The following TEAD4 variants were observed in gnomAD, a reference collection of about 807,000 sequenced individuals.
TEAD4 encodes the protein TEA domain transcription factor 4.
A neutral mutation model predicts 52.4 loss-of-function variants in TEAD4; 36 were observed. The ratio of observed to expected loss-of-function variants is 0.69; its 90% CI spans 0.53 to 0.91. TEAD4 has a LOEUF of 0.91. Among genes scored for constraint, TEAD4 ranks in the 40% least tolerant of loss-of-function variants. The pLI is 0.00. For synonymous variants in TEAD4, 220 were observed against 231.0 expected (o/e 0.95, Z 0.43); for missense variants, 508 against 583.9 (o/e 0.87, Z 1.34).
intron 10 of TEAD4, among the ~76,000 whole-genome samples, chr12:3,036,220 T>TC (rs1457806663): frequency 3.3e-5 from 5 of 152,274 alleles, no homozygotes; most frequent in Admixed American, 3.3e-4. Flanking sequence ...AGCCTTTTTT[T>TC]CCTCATCATA....
intron 3 of TEAD4, among the ~76,000 whole-genome samples, chr12:2,998,481 C>T (rs1490489291): frequency 1.3e-5 from 2 of 150,800 alleles, no homozygotes; most frequent in African/African-American, 2.4e-5. Context: ...GTTGGCATCT[C>T]GGATGCTGCT....
intron 2 of TEAD4, among the ~76,000 whole-genome samples, chr12:2,968,646 T>G (rs1356428799): frequency 6.6e-6 from 1 of 151,660 alleles, no homozygotes; most frequent in Non-Finnish European, 1.5e-5. Context: ...CTGGTGTTTT[T>G]TTTGTTTTGT....
intron 5 of TEAD4, among the ~76,000 whole-genome samples, chr12:3,013,903 A>G (rs1398676855): frequency 6.6e-6 from 1 of 152,230 alleles, no homozygotes; most frequent in Non-Finnish European, 1.5e-5. Context: ...TATATTAAAG[A>G]AAAGCCACTG....
intron 3 of TEAD4, among the ~76,000 whole-genome samples, chr12:3,007,987 C>T (rs1225086147): frequency 6.6e-6 from 1 of 152,120 alleles, no homozygotes; most frequent in Non-Finnish European, 1.5e-5. Context: ...ATCATTCAGG[C>T]AGCAAGTATT....
At chr12:3,017,244 A>C in intron 5 of TEAD4, 154 bp from the exon 6 acceptor site, 1 of 1,007,124 alleles carries the variant, frequency 9.9e-7, no homozygotes, top group Non-Finnish European at 1.5e-6. Flanking sequence ...CTCAGTTGCA[A>C]AACAAGTTAA....
At chr12:3,018,615 C>A in intron 7 of TEAD4, 27 bp downstream of exon 7, 1 of 1,612,850 alleles carries the variant, frequency 6.2e-7, no homozygotes, top group Non-Finnish European at 8.5e-7. Context: ...GTTTCTCTTG[C>A]CAGTTGCTCC....
At chr12:2,998,907 GC>G (rs1565536126) in intron 3 of TEAD4, among the ~76,000 whole-genome samples, 2 of 152,140 alleles carry the variant, frequency 1.3e-5, no homozygotes, top group South Asian at 2.1e-4. Context: ...CAACCGCCCA[GC>G]CCCCACAGCA....
chr12:2,972,101 CAG>C (rs2098225621), intron 2 of TEAD4, among the ~76,000 whole-genome samples: 1 of 148,134 alleles, frequency 6.8e-6, no homozygotes, highest in African/African-American at 2.5e-5. Flanking sequence ...GCGTGAGCCA[CAG>C]AGTCTCACTC....
At chr12:2,974,199 C>T (rs920535309) in intron 2 of TEAD4, among the ~76,000 whole-genome samples, 3 of 152,110 alleles carry the variant, frequency 2.0e-5, no homozygotes, top group African/African-American at 7.2e-5. Context: ...ATGGGAGTCT[C>T]GCCATGTTGG....
In TEAD4 at chr12:3,024,266, C is replaced by T. The variant is rs529671551; in HGVS notation, c.897+2249C>T. Among the ~76,000 whole-genome samples, 237 of 152,008 alleles carry T rather than the reference C, an allele frequency of 1.6e-3. 1 individual carries two copies. The highest frequency in any genetic ancestry group is 8.3e-3 in the South Asian group (40 of 4,804). ...ATTTTTTGTATTTTTTTAGTAGAGA[C>T]GGGGTTTCACCGTGTTAGCCAGGAT... On this transcript the variant is annotated intron_variant, in intron 10 of 12. Coordinates refer to ENST00000359864, the MANE Select transcript of TEAD4 (RefSeq NM_003213.4).
In TEAD4 at chr12:2,968,192, T is replaced by G. The variant is rs1591552768; in HGVS notation, c.-30+8152T>G. ...GCCTCCACCTTCCGGGTTCAAGCGA[T>G]TCTCCTGCCACAGCCTCCTGAGTAG... On this transcript the variant is annotated intron_variant, in intron 2 of 12. Coordinates refer to ENST00000359864, the MANE Select transcript of TEAD4 (RefSeq NM_003213.4). Among the ~76,000 whole-genome samples, 3 of 150,026 alleles carry G rather than the reference T, an allele frequency of 2.0e-5. 1 individual carries two copies. The South Asian group carries it at 6.4e-4, about 32-fold the overall frequency.
rs765035448 is a variant in TEAD4 at position 3,038,158 on chromosome 12, G to T, written c.1038+50G>T. The T allele has an allele frequency of 6.4e-6, 10 of 1,572,420 alleles. No individual in the cohort carries two copies. In the South Asian group the frequency reaches 1.2e-4, roughly 18 times the overall value. Reference sequence around the variant, plus strand: ...GGGCCGGTGGCAGTGGTCTGTGTTTGCTGGGCATGGCTTCCATTTGCTTTC... The same window carrying T: ...GGGCCGGTGGCAGTGGTCTGTGTTTTCTGGGCATGGCTTCCATTTGCTTTC... On this transcript the variant is annotated intron_variant, in intron 11 of 12. Coordinates refer to ENST00000359864, the MANE Select transcript of TEAD4 (RefSeq NM_003213.4).
chr12:2,974,445 C>G (rs1265972259), intron 2 of TEAD4, among the ~76,000 whole-genome samples: 2 of 152,222 alleles, frequency 1.3e-5, no homozygotes, highest in African/African-American at 4.8e-5. Flanking sequence ...CTTGTCCAAG[C>G]TCATTCTAAC....
At chr12:2,963,175 A>G (rs1591549392) in intron 2 of TEAD4, among the ~76,000 whole-genome samples, 2 of 152,128 alleles carry the variant, frequency 1.3e-5, no homozygotes, top group East Asian at 3.9e-4. Context: ...GGTTCTCCCT[A>G]TCTTTTTAGA....
chr12:3,038,822 C>T (rs2098280969), intron 11 of TEAD4, among the ~76,000 whole-genome samples: 1 of 152,168 alleles, frequency 6.6e-6, no homozygotes, highest in South Asian at 2.1e-4. Context: ...GTCCGTGACA[C>T]GGTCTCCTGC....
At chr12:3,034,627 A>AT (rs1014773790) in intron 10 of TEAD4, among the ~76,000 whole-genome samples, 6 of 152,110 alleles carry the variant, frequency 3.9e-5, no homozygotes, top group Non-Finnish European at 8.8e-5. Context: ...GTGAATATGC[A>AT]TTTTTTTAAA....
intron 2 of TEAD4, among the ~76,000 whole-genome samples, chr12:2,993,410 C>T (rs1003165553): frequency 6.6e-6 from 1 of 152,146 alleles, no homozygotes; most frequent in Non-Finnish European, 1.5e-5. Context: ...CTCAGCCTCC[C>T]TAAGTGCTGG....
At chr12:3,002,773 C>T (rs1385294574) in intron 3 of TEAD4, among the ~76,000 whole-genome samples, 2 of 152,142 alleles carry the variant, frequency 1.3e-5, no homozygotes, top group Non-Finnish European at 2.9e-5. Context: ...AGGACAGACA[C>T]CGAGGCAGGA....
chr12:2,992,285 C>G (rs2098243786), intron 2 of TEAD4, among the ~76,000 whole-genome samples: 1 of 152,142 alleles, frequency 6.6e-6, no homozygotes, highest in Non-Finnish European at 1.5e-5. Context: ...TCCCAAAGTG[C>G]TGGGATTACA....
Sources: allele counts gnomAD v4.1 joint callset (sites outside exome capture counted in the v4.1 genomes callset), GRCh38; gene constraint gnomAD v4.1.1; transcripts MANE v1.5; gene names NCBI Gene and HGNC (gene_info 2026-07-23, HGNC 2026-07-21).